The following PRH1 variants were observed in gnomAD, a reference collection of about 807,000 sequenced individuals.
PRH1 encodes salivary acidic proline-rich phosphoprotein 1/2.
PRH1 carries 7 observed loss-of-function variants against 7.9 expected under a neutral mutation model. The ratio of observed to expected loss-of-function variants is 0.89; its 90% confidence interval spans 0.50 to 1.67. The LOEUF (loss-of-function observed/expected upper bound fraction) is 1.67, where lower values mean the gene tolerates loss of function less well. PRH1 is among the 40% of genes most tolerant of loss of function. The pLI is 0.00. For missense variants in PRH1, 109 were observed against 223.6 expected, an observed-to-expected ratio of 0.49 and a Z score of 3.27; for synonymous variants, 45 against 80.8, an observed-to-expected ratio of 0.56 and a Z score of 2.38.
intron 2 of PRH1, chr12:10,938,904 C>T: frequency 6.2e-7 from 1 of 1,613,938 alleles, no homozygotes; most frequent in Non-Finnish European, 8.5e-7. Context: ...GTACCGAGGC[C>T]TGTAGCTAAC....
intron 1 of PRH1, among the ~76,000 whole-genome samples, chr12:11,056,143 T>C (rs1158528294): frequency 6.6e-6 from 1 of 152,222 alleles, no homozygotes; most frequent in East Asian, 1.9e-4. Flanking sequence ...TAGCCTCTCA[T>C]ATTTAGGACT....
chr12:10,913,384 G>C (rs1014588545), intron 2 of PRH1, among the ~76,000 whole-genome samples: 7 of 152,080 alleles, frequency 4.6e-5, no homozygotes, highest in Admixed American at 4.6e-4. Flanking sequence ...GAACCTGGGA[G>C]GTGGAGCTTG....
intron 1 of PRH1, among the ~76,000 whole-genome samples, chr12:11,080,511 A>T (rs143341407): frequency 0.03 from 2,945 of 96,722 alleles, 863 homozygotes; most frequent in South Asian, 0.046. Context: ...GGTCCTTGAT[A>T]AACGTTCACA....
At chr12:10,997,358 T>C (rs559317409) in intron 1 of PRH1, 5 of 1,614,102 alleles carry the variant, frequency 3.1e-6, no homozygotes, top group East Asian at 4.5e-5. Context: ...GTTGGAAAGG[T>C]GCATTGCATT....
At chr12:10,926,189 T>C (rs1234550715) in intron 2 of PRH1, among the ~76,000 whole-genome samples, 1 of 152,216 alleles carries the variant, frequency 6.6e-6, no homozygotes, top group African/African-American at 2.4e-5. Flanking sequence ...TTGTGTTTAT[T>C]TGCTAACTGT....
chr12:11,061,300 T>C (rs1943588981), intron 1 of PRH1: 3 of 1,535,016 alleles, frequency 2.0e-6, no homozygotes, highest in Admixed American at 2.2e-5. Flanking sequence ...CAGTAAGAAA[T>C]ATAAAATGCT....
chr12:11,152,035 T>C (rs1947110106), intron 1 of PRH1, among the ~76,000 whole-genome samples: 1 of 152,010 alleles, frequency 6.6e-6, no homozygotes. Context: ...GATTTTTAAA[T>C]AACTTAATGT....
chr12:10,998,879 C>T (rs1940436482), intron 1 of PRH1, among the ~76,000 whole-genome samples: 1 of 152,054 alleles, frequency 6.6e-6, no homozygotes, highest in Non-Finnish European at 1.5e-5. Flanking sequence ...CACTTTACAT[C>T]GAAATTTGAG....
chr12:10,935,920 G>A (rs1950280627), intron 2 of PRH1, among the ~76,000 whole-genome samples: 1 of 152,040 alleles, frequency 6.6e-6, no homozygotes, highest in South Asian at 2.1e-4. Context: ...CATGACCCAG[G>A]CAGAGGTAGG....
chr12:10,981,175 A>C (rs1939331375), intron 1 of PRH1, among the ~76,000 whole-genome samples: 1 of 152,074 alleles, frequency 6.6e-6, no homozygotes, highest in South Asian at 2.1e-4. Flanking sequence ...CTGCAAGAAC[A>C]CTCAGGATGT....
intron 1 of PRH1, among the ~76,000 whole-genome samples, chr12:11,028,152 G>A (rs374627009): frequency 7.9e-5 from 12 of 152,294 alleles, no homozygotes; most frequent in African/African-American, 2.9e-4. Context: ...GTGGGCATGA[G>A]GTCTGACTTT....
rs1211182006 is a variant in PRH1 at position 11,012,367 on chromosome 12, T to A, written c.-126+34653A>T. 5.3e-5 allele frequency among the ~76,000 whole-genome samples: 8 copies of A among 152,140 alleles called. No individual in the cohort carries two copies. In the East Asian group the frequency reaches 1.5e-3, roughly 29 times the overall value. ...ATGATCTGAGACTCCATTTTACGAA[T>A]TCTCTCTACCTCAGTATAATTATGT... On this transcript the variant is annotated intron_variant, in intron 1 of 3. Coordinates refer to the PRH1 transcript ENST00000539853.
chr12:11,003,601 A>G (rs1940694460), intron 1 of PRH1, among the ~76,000 whole-genome samples: 1 of 151,562 alleles, frequency 6.6e-6, no homozygotes, highest in African/African-American at 2.4e-5. Context: ...AACTTAAAAT[A>G]AAATTTCTTT....
At chr12:11,100,952 T>C (rs1945222351) in intron 1 of PRH1, among the ~76,000 whole-genome samples, 1 of 152,202 alleles carries the variant, frequency 6.6e-6, no homozygotes, top group South Asian at 2.1e-4. Flanking sequence ...AAATATTTCA[T>C]TTAGAGACAC....
intron 1 of PRH1, chr12:11,022,306 G>C (rs1941691994): frequency 1.2e-6 from 2 of 1,614,176 alleles, no homozygotes; most frequent in Non-Finnish European, 1.7e-6. Context: ...GTTCGTTACA[G>C]CCCAGGCATT....
chr12:10,998,076 A>C (rs1300086370), intron 1 of PRH1, among the ~76,000 whole-genome samples: 1 of 152,200 alleles, frequency 6.6e-6, no homozygotes, highest in Admixed American at 6.5e-5. Context: ...CCTTTATGGG[A>C]AATACTGTTA....
chr12:10,946,581 A>G (rs1950490557), intron 2 of PRH1, among the ~76,000 whole-genome samples: 1 of 152,010 alleles, frequency 6.6e-6, no homozygotes, highest in Admixed American at 6.5e-5. Context: ...ATTATTTTTA[A>G]TTCCAACTCC....
chr12:10,974,075 C>T lies in PRH1; in HGVS notation c.-125-354G>A, dbSNP rs556709629. 2.7e-3 allele frequency among the ~76,000 whole-genome samples: 414 copies of T among 152,332 alleles called. 2 individuals carry two copies. The highest frequency in any genetic ancestry group is 4.7e-3 in the Non-Finnish European group (321 of 68,030). ...TACTATAGACAAGAATAATGAAACACAATTAAGAGTCCACAAATTAGTAAC... is the reference window on the plus strand; with the variant it reads ...TACTATAGACAAGAATAATGAAACATAATTAAGAGTCCACAAATTAGTAAC... On this transcript the variant is annotated intron_variant, in intron 1 of 3. Coordinates refer to the PRH1 transcript ENST00000539853.
rs1947527272 is a variant in PRH1, at chr12:11,164,946, G to A, written n.39+6476C>T. ...CCCTTTGCAGTGCATTCTACCTCAGGCCTTTGGCTATCACTGATCTGTTTT... is the reference window on the plus strand; with the variant it reads ...CCCTTTGCAGTGCATTCTACCTCAGACCTTTGGCTATCACTGATCTGTTTT... On this transcript the variant is annotated intron_variant and non_coding_transcript_variant, in intron 1 of 1. Coordinates refer to the PRH1 transcript ENST00000541175. Among the ~76,000 whole-genome samples, 3 of 151,940 alleles carry A rather than the reference G, an allele frequency of 2.0e-5. No homozygotes were observed. In the South Asian group the frequency reaches 6.2e-4, roughly 32 times the overall value.
Sources: gnomAD v4.1 joint callset for allele counts (sites outside exome capture counted in the v4.1 genomes callset) on GRCh38, gnomAD v4.1.1 for gene constraint, MANE v1.5 for transcripts, NCBI Gene and HGNC (gene_info 2026-07-23, HGNC 2026-07-21) for gene names.